Variants in RBMS2 observed in about 807,000 individuals in gnomAD.
RBMS2 encodes RNA-binding motif, single-stranded-interacting protein 2.
In RBMS2, 38 loss-of-function variants were observed where a neutral mutation model predicts 58.4. The ratio of observed to expected loss-of-function variants is 0.65; its 90% CI spans 0.50 to 0.85. The LOEUF is 0.85. Ranked by LOEUF, RBMS2 falls within the 40% of genes least tolerant of loss-of-function variation. The pLI, the probability that RBMS2 is intolerant of heterozygous loss-of-function variation, is 0.00. For missense variants in RBMS2, 367 were observed against 503.7 expected, an observed-to-expected ratio of 0.73 and a Z score of 2.60; for synonymous variants, 151 against 180.7, an observed-to-expected ratio of 0.84 and a Z score of 1.32.
At chr12:56,585,359 C>A (rs1157416803) in intron 9 of RBMS2, among the ~76,000 whole-genome samples, 2 of 152,146 alleles carry the variant, frequency 1.3e-5, no homozygotes, top group African/African-American at 2.4e-5. Context: ...TATTTCAAAT[C>A]CAATTTTAAT....
chr12:56,573,749 C>T (rs535824300), intron 5 of RBMS2, among the ~76,000 whole-genome samples: 1 of 149,196 alleles, frequency 6.7e-6, no homozygotes, highest in South Asian at 2.1e-4. Flanking sequence ...GAATGGTCCA[C>T]ACTTTTTTTT....
chr12:56,558,651 C>T (rs1436348520), intron 1 of RBMS2, among the ~76,000 whole-genome samples: 4 of 134,858 alleles, frequency 3.0e-5, no homozygotes, highest in African/African-American at 5.4e-5. Context: ...TGCAGTGGCA[C>T]GATCTTGCTT....
At chr12:56,588,514 G>A in intron 12 of RBMS2, 140 bp downstream of exon 12, 1 of 761,748 alleles carries the variant, frequency 1.3e-6, no homozygotes, top group Non-Finnish European at 2.2e-6. Context: ...AACGTAGGAA[G>A]GATGTGCTCG....
At chr12:56,582,747 C>T (rs1201380015) in intron 9 of RBMS2, among the ~76,000 whole-genome samples, 1 of 152,238 alleles carries the variant, frequency 6.6e-6, no homozygotes, top group Non-Finnish European at 1.5e-5. Flanking sequence ...CGGCTCACTG[C>T]AATCTCCGCC....
At chr12:56,520,874 G>A (rs1475047846), upstream of RBMS2, among the ~76,000 whole-genome samples, 1 of 152,150 alleles carries the variant, frequency 6.6e-6, no homozygotes, top group Admixed American at 6.6e-5. Flanking sequence ...AAATAGCAGG[G>A]TAAAGTGTTA....
chr12:56,549,359 C>G (rs1470223621), intron 1 of RBMS2, among the ~76,000 whole-genome samples: 1 of 152,026 alleles, frequency 6.6e-6, no homozygotes, highest in Non-Finnish European at 1.5e-5. Context: ...AGTAGCTCGT[C>G]TGATTGGATC....
At chr12:56,529,574 A>G (rs534846569) in intron 1 of RBMS2, among the ~76,000 whole-genome samples, 5 of 151,376 alleles carry the variant, frequency 3.3e-5, no homozygotes, top group Non-Finnish European at 7.4e-5. Flanking sequence ...AACAACAACA[A>G]CAATAACAAC....
Position 56,525,502 on chromosome 12 carries a change from G to A in RBMS2, c.66+3413G>A, listed in dbSNP as rs889302257. ...TTCCCAACGTGCTGGGATTACAGGC[G>A]TGAGCCACTGTCTGGCCCATTTATT... is the stretch of plus-strand genomic sequence containing the variant. On this transcript the variant is annotated intron_variant, in intron 1 of 13. Coordinates refer to ENST00000262031, the MANE Select transcript of RBMS2 (RefSeq NM_002898.4). 7.9e-5 allele frequency among the ~76,000 whole-genome samples: 12 copies of A among 152,210 alleles called. No homozygotes were observed. The East Asian group carries it at 1.2e-3, about 15-fold the overall frequency.
intron 1 of RBMS2, among the ~76,000 whole-genome samples, chr12:56,525,075 G>A (rs1214603058): frequency 1.3e-5 from 2 of 151,834 alleles, no homozygotes; most frequent in African/African-American, 4.8e-5. Flanking sequence ...TAGATGACCA[G>A]GGAGGGTGTT....
chr12:56,582,088 C>G lies in RBMS2; in HGVS notation c.809C>G (p.Pro270Arg). ...GFYPAPYNITPNRMLAQSALS... is the reference protein window; with the variant it reads ...GFYPAPYNITRNRMLAQSALS... The stretch of plus-strand genomic sequence containing the variant: ...TACCCAGCCCCCTATAACATCACCC[C>G]CAACAGGATGCTTGCTCAGTCTGCA... Residue 270 changes from proline to arginine, a missense_variant, in exon 9 of 14, where the codon CCC becomes CGC. Around this residue, in one of 3 missense-constraint regions of RBMS2, gnomAD observed 220 missense variants for 261.1 expected, o/e 0.84. Transcript: ENST00000262031. 2.5e-6 allele frequency: 4 copies of G among 1,613,464 alleles called. No homozygotes were observed. The highest frequency in any genetic ancestry group is 3.4e-6 in the Non-Finnish European group (4 of 1,179,528).
At position 56,570,613 on chromosome 12, in the gene RBMS2, T is replaced by C. The variant is rs536541366; in HGVS notation, c.384+623T>C. 9.2e-5 allele frequency among the ~76,000 whole-genome samples: 14 copies of C among 152,358 alleles called. No homozygotes were observed. In the South Asian group the frequency reaches 2.7e-3, roughly 29 times the overall value. On this transcript the variant is annotated intron_variant, in intron 4 of 13. Transcript: ENST00000262031. ...TTTATTTTGAGACAGCGTCTCGCTCTGTCGCCCCGGCTGGAGTGCAGTGGC... is the reference window on the plus strand; with the variant it reads ...TTTATTTTGAGACAGCGTCTCGCTCCGTCGCCCCGGCTGGAGTGCAGTGGC...
At chr12:56,525,688 G>A (rs1286274204) in intron 1 of RBMS2, among the ~76,000 whole-genome samples, 2 of 151,652 alleles carry the variant, frequency 1.3e-5, no homozygotes, top group East Asian at 3.9e-4. Flanking sequence ...TCGAGACAGA[G>A]TCTCGCTCTG....
In RBMS2 at chr12:56,589,206, G is replaced by A; in HGVS notation, c.*73G>A. 1.3e-6 allele frequency: 2 copies of A among 1,515,956 alleles called. No individual in the cohort carries two copies. Among genetic ancestry groups the A allele is most frequent in the Non-Finnish European group, 1.8e-6 (2 of 1,129,184 alleles). 93.9% of individuals were successfully genotyped at this position (1,515,956 alleles called of 1,614,324 possible). A position where few individuals can be genotyped will look rare whatever the true frequency, so the allele number is the denominator to read the frequency against. ...GAGATACTCATGCTCCCAGATTCCA[G>A]AGGGTTAACCAGGAATGGAGACCAT... On this transcript the variant is annotated 3_prime_UTR_variant, in exon 14 of 14. Transcript: ENST00000262031.
chr12:56,589,037 G>C lies in RBMS2; in HGVS notation c.*6+19G>C. 1 of 1,614,084 alleles carries C rather than the reference G, an allele frequency of 6.2e-7. No individual in the cohort carries two copies. The highest frequency in any genetic ancestry group is 8.5e-7 in the Non-Finnish European group (1 of 1,179,950). On this transcript the variant is annotated intron_variant, in intron 13 of 13. Coordinates refer to ENST00000262031, the MANE Select transcript of RBMS2 (RefSeq NM_002898.4). The stretch of plus-strand genomic sequence containing the variant: ...ACAGTGGGTAAGAACCACATGCTGG[G>C]GGGCAGGGAGGGCTGCACTGGCAGA...
At chr12:56,567,918 T>C (rs1354335053) in intron 2 of RBMS2, among the ~76,000 whole-genome samples, 1 of 152,084 alleles carries the variant, frequency 6.6e-6, no homozygotes, top group African/African-American at 2.4e-5. Flanking sequence ...GAAATAGAAG[T>C]CTTAGAGTAA....
chr12:56,549,497 C>T (rs576770302), intron 1 of RBMS2, among the ~76,000 whole-genome samples: 1 of 152,058 alleles, frequency 6.6e-6, no homozygotes, highest in Admixed American at 6.6e-5. Context: ...TAGTTTCATG[C>T]GACTCAGTAA....
In RBMS2 at chr12:56,592,410, C is replaced by T. The variant is rs1885365556; in HGVS notation, c.*3277C>T. On this transcript the variant is annotated 3_prime_UTR_variant, in exon 14 of 14. Coordinates refer to ENST00000262031, the MANE Select transcript of RBMS2 (RefSeq NM_002898.4). ...GTGTTATTACTCCTCATCTCAGGCTCTGAGATGATACTCAGACCCTAAACT... is the reference window on the plus strand; with the variant it reads ...GTGTTATTACTCCTCATCTCAGGCTTTGAGATGATACTCAGACCCTAAACT... The T allele has an allele frequency of 6.6e-6, 1 of 152,222 alleles. No individual in the cohort carries two copies. Among genetic ancestry groups the T allele is most frequent in the Non-Finnish European group, 1.5e-5 (1 of 68,054 alleles). The allele number at this position is 152,222 out of a possible 1,614,324, so 9.4% of individuals were successfully genotyped here.
chr12:56,558,464 A>C (rs539163800), intron 1 of RBMS2, among the ~76,000 whole-genome samples: 1 of 150,732 alleles, frequency 6.6e-6, no homozygotes, highest in African/African-American at 2.4e-5. Context: ...ATGAACGCCA[A>C]CTGAGGCAGG....
chr12:56,584,724 G>C (rs984268255), intron 9 of RBMS2, among the ~76,000 whole-genome samples: 2 of 151,758 alleles, frequency 1.3e-5, no homozygotes, highest in African/African-American at 4.8e-5. Context: ...GGTGAAGCTT[G>C]CAGTAAGCCG....
Sources: allele counts gnomAD v4.1 joint callset (sites outside exome capture counted in the v4.1 genomes callset), GRCh38; gene constraint gnomAD v4.1.1; regional missense constraint gnomAD v4.1.1; transcripts MANE v1.5; gene names NCBI Gene and HGNC (gene_info 2026-07-23, HGNC 2026-07-21).